CRYBA1: variants seen among roughly 807,000 people sequenced by gnomAD.
CRYBA1 encodes crystallin beta A1.
Under a neutral mutation model 36.2 loss-of-function variants are expected in CRYBA1, and 25 were observed. The observed-to-expected ratio is 0.69, with a 90% CI of 0.50 to 0.97. The LOEUF is 0.97. CRYBA1 is among the 50% of genes least tolerant of loss of function. The pLI, the probability that CRYBA1 is intolerant of heterozygous loss-of-function variation, is 0.00. For synonymous variants in CRYBA1, 111 were observed against 90.0 expected, an observed-to-expected ratio of 1.23 and a Z score of -1.32; for missense variants, 224 against 276.3, an observed-to-expected ratio of 0.81 and a Z score of 1.34.
chr17:29,248,737 G>A (rs190823325), intron 1 of CRYBA1, among the ~76,000 whole-genome samples: 7 of 152,048 alleles, frequency 4.6e-5, no homozygotes, highest in Admixed American at 2.6e-4. Context: ...CAGGCTGGGC[G>A]CGGTGGATCA....
chr17:29,247,036 A>G (rs2068905172), intron 1 of CRYBA1, 142 bp downstream of exon 1: 1 of 914,944 alleles, frequency 1.1e-6, no homozygotes, highest in Admixed American at 2.0e-5. Context: ...GGCGGAAGAC[A>G]GCCTTCTCTT....
At chr17:29,248,803 A>G (rs1314637800) in intron 1 of CRYBA1, among the ~76,000 whole-genome samples, 1 of 151,968 alleles carries the variant, frequency 6.6e-6, no homozygotes, top group African/African-American at 2.4e-5. Context: ...CCCCATCTCT[A>G]CTAAAAATAC....
rs74936930 is a variant in CRYBA1 at position 29,254,058 on chromosome 17, A to G, written c.501-144A>G. ...CTATAGCCATATTATGCTTACAAAT[A>G]GTGCCTGACACATTTAGGATGGCTA... is the stretch of plus-strand genomic sequence containing the variant. On this transcript the variant is annotated intron_variant, in intron 5 of 5. Coordinates refer to ENST00000225387, the MANE Select transcript of CRYBA1 (RefSeq NM_005208.5). 326 of 921,472 alleles carry G rather than the reference A, an allele frequency of 3.5e-4. No homozygotes were observed. In the African/African-American group the frequency reaches 4.7e-3, roughly 13 times the overall value. The allele number at this position is 921,472 out of a possible 1,614,324, so 57.1% of individuals were successfully genotyped here.
Position 29,254,450 on chromosome 17 carries a change from G to T in CRYBA1, c.*101G>T. ...CTGCTCACAGACATTGCTTTCAAAT[G>T]TTAGCTGCTGAAATCCACAATAAAC... On this transcript the variant is annotated 3_prime_UTR_variant, in exon 6 of 6. Coordinates refer to ENST00000225387, the MANE Select transcript of CRYBA1 (RefSeq NM_005208.5). 1 of 1,259,574 alleles carries T rather than the reference G, an allele frequency of 7.9e-7. No individual in the cohort carries two copies. 78.0% of individuals were successfully genotyped at this position (1,259,574 alleles called of 1,614,324 possible).
In CRYBA1 at chr17:29,254,335, C is replaced by T. The variant is rs772123132; in HGVS notation, c.634C>T (p.Arg212Ter). ...AQTSQIQSIR[R>*]IQQ is the part of the protein sequence containing the mutation. Reference sequence around the variant, plus strand: ...GACTTCGCAGATCCAATCGATTCGCCGAATCCAACAGTAGCTGATTAAAAG... The same window carrying T: ...GACTTCGCAGATCCAATCGATTCGCTGAATCCAACAGTAGCTGATTAAAAG... The change falls in exon 6 of 6, where the codon CGA becomes TGA. Residue 212 changes from arginine (R) to a stop codon, truncating the protein, a stop_gained. Transcript: ENST00000225387. LOFTEE classifies it high-confidence loss of function. 2 of 1,613,940 alleles carry T rather than the reference C, an allele frequency of 1.2e-6. No individual in the cohort carries two copies. Among genetic ancestry groups the T allele is most frequent in the African/African-American group, 1.3e-5 (1 of 74,882 alleles).
At position 29,253,793 on chromosome 17, in the gene CRYBA1, A is replaced by G; in HGVS notation, c.500+11A>G. On this transcript the variant is annotated intron_variant, in intron 5 of 5. Transcript: ENST00000225387. ...GATACAAAGTGGGGCGTAAGTACAA[A>G]AACAGGGTTGGAATATACTTCAAAG... The G allele has an allele frequency of 2.5e-6, 4 of 1,614,156 alleles. No individual in the cohort carries two copies. Among genetic ancestry groups the G allele is most frequent in the Non-Finnish European group, 3.4e-6 (4 of 1,180,014 alleles).
At chr17:29,253,331 C>CT (rs1302428592) in intron 4 of CRYBA1, among the ~76,000 whole-genome samples, 3 of 152,270 alleles carry the variant, frequency 2.0e-5, no homozygotes, top group Non-Finnish European at 4.4e-5. Flanking sequence ...TCTGTGAGAT[C>CT]TTTTTTCACA....
In CRYBA1 at chr17:29,253,639, G is replaced by T; in HGVS notation, c.358-1G>T. On this transcript the variant is annotated splice_acceptor_variant, in intron 4 of 5. Transcript: ENST00000225387. LOFTEE classifies it high-confidence loss of function. ...ATTTTAAAACAATTTCTGAATTACA[G>T]AATCATAAGGAGTCTAAGATGACCA... 7 of 1,610,900 alleles carry T rather than the reference G, an allele frequency of 4.3e-6. No individual in the cohort carries two copies. The highest frequency in any genetic ancestry group is 5.9e-6 in the Non-Finnish European group (7 of 1,177,102).
rs2068945140 is a variant in CRYBA1, at chr17:29,252,960, CTTTTAAAAACAT to C, written c.358-677_358-666del. On this transcript the variant is annotated intron_variant, in intron 4 of 5. Coordinates refer to ENST00000225387, the MANE Select transcript of CRYBA1 (RefSeq NM_005208.5). Reference sequence around the variant, plus strand: ...CTGTCTGGAAATTATTTCAATCTCACTTTTAAAAACATTTCATTTGCCCACCCTAAGGTATAA... The same window carrying C: ...CTGTCTGGAAATTATTTCAATCTCACTTCATTTGCCCACCCTAAGGTATAA... 2.6e-5 allele frequency among the ~76,000 whole-genome samples: 4 copies of C among 152,206 alleles called. 1 individual carries two copies. In the South Asian group the frequency reaches 6.2e-4, roughly 24 times the overall value.
At chr17:29,247,029 G>A (rs1168149915) in intron 1 of CRYBA1, 135 bp downstream of exon 1, 38 of 954,024 alleles carry the variant, frequency 4.0e-5, no homozygotes, top group South Asian at 2.8e-4. Flanking sequence ...GAACTCTGGC[G>A]GAAGACAGCC....
intron 2 of CRYBA1, 136 bp from the exon 3 acceptor site, chr17:29,250,045 TG>T: frequency 8.0e-6 from 6 of 753,526 alleles, no homozygotes; most frequent in South Asian, 6.8e-5. Flanking sequence ...CTGTCTACAC[TG>T]GAAGAGACCT....
In CRYBA1 at chr17:29,249,135, C is replaced by T; in HGVS notation, c.32-7C>T. 3.7e-6 allele frequency: 6 copies of T among 1,605,836 alleles called. No homozygotes were observed. Among genetic ancestry groups the T allele is most frequent in the Non-Finnish European group, 5.1e-6 (6 of 1,172,390 alleles). ...GCCACATCATTCGTGTGTGCTCTGTCTTCCAGAAACCCTTCCAACCACCAA... is the reference window on the plus strand; with the variant it reads ...GCCACATCATTCGTGTGTGCTCTGTTTTCCAGAAACCCTTCCAACCACCAA... On this transcript the variant is annotated splice_polypyrimidine_tract_variant and splice_region_variant and intron_variant, in intron 1 of 5. Coordinates refer to ENST00000225387, the MANE Select transcript of CRYBA1 (RefSeq NM_005208.5).
intron 3 of CRYBA1, 121 bp from the exon 4 acceptor site, chr17:29,251,943 C>A: frequency 2.4e-6 from 3 of 1,235,386 alleles, no homozygotes; most frequent in Non-Finnish European, 3.6e-6. Context: ...CTTTGTACAG[C>A]TCTACTGGGA....
rs2068919914 is a variant in CRYBA1 at position 29,249,161 on chromosome 17, G to C, written c.51G>C (p.Lys17Asn). The change falls in exon 2 of 6, where the codon AAG (lysine) becomes AAC (asparagine). Residue 17 changes from lysine to asparagine, a missense_variant. Coordinates refer to ENST00000225387, the MANE Select transcript of CRYBA1 (RefSeq NM_005208.5). ...TTCCAGAAACCCTTCCAACCACCAA[G>C]ATGGCTCAGACCAACCCTACGCCGG... Reference protein sequence around the residue: ...QQELETLPTTKMAQTNPTPGS... With the variant: ...QQELETLPTTNMAQTNPTPGS... 2 of 1,613,392 alleles carry C rather than the reference G, an allele frequency of 1.2e-6. No individual in the cohort carries two copies. Among genetic ancestry groups the C allele is most frequent in the African/African-American group, 2.7e-5 (2 of 75,022 alleles).
rs1212556465 is a variant in CRYBA1, at chr17:29,253,783, G to GT, written c.500+2dup. ...GCTCCATGAAGATACAAAGTGGGGC[G>GT]TAAGTACAAAAACAGGGTTGGAATA... is the stretch of plus-strand genomic sequence containing the variant. On this transcript the variant is annotated splice_donor_variant, in intron 5 of 5. Coordinates refer to ENST00000225387, the MANE Select transcript of CRYBA1 (RefSeq NM_005208.5). LOFTEE classifies it high-confidence loss of function. 5.0e-6 allele frequency: 8 copies of GT among 1,614,052 alleles called. No homozygotes were observed. Among genetic ancestry groups the GT allele is most frequent in the South Asian group, 2.2e-5 (2 of 91,082 alleles).
Position 29,250,315 on chromosome 17 carries a change from C to T in CRYBA1, c.215+15C>T, listed in dbSNP as rs373332175. 1.8e-5 allele frequency: 25 copies of T among 1,369,224 alleles called. No individual in the cohort carries two copies. The highest frequency in any genetic ancestry group is 2.6e-5 in the Non-Finnish European group (25 of 955,984). The allele number at this position is 1,369,224 out of a possible 1,614,324, so 84.8% of individuals were successfully genotyped here. A position where few individuals can be genotyped will look rare whatever the true frequency, so the allele number is the denominator to read the frequency against. ...GAAAGTGGCGCGTGAGTATGGACTT[C>T]CGCAGAACCGCAGCCCCTTATTTCA... On this transcript the variant is annotated intron_variant, in intron 3 of 5. Transcript: ENST00000225387.
intron 2 of CRYBA1, 40 bp from the exon 3 acceptor site, chr17:29,250,142 T>A (rs2068926469): frequency 8.7e-7 from 1 of 1,144,064 alleles, no homozygotes; most frequent in East Asian, 2.3e-5. Context: ...CTGTTTTTCC[T>A]GATGTTCTAG....
chr17:29,246,867 G>A lies in CRYBA1; in HGVS notation c.4G>A (p.Glu2Lys), dbSNP rs1337710565. The change falls in exon 1 of 6, where the codon GAG becomes AAG. Residue 2 changes from glutamate (E) to lysine (K), a missense_variant. Glu to Lys is a moderately conservative substitution (Grantham distance 56). Transcript: ENST00000225387. ...GCCACAGAGCAAGTGGTACCAGATG[G>A]AGACCCAGGCTGAGCAGCAGGAGCT... M[E>K]TQAEQQELET... 3 of 1,612,760 alleles carry A rather than the reference G, an allele frequency of 1.9e-6. No individual in the cohort carries two copies. Among genetic ancestry groups the A allele is most frequent in the Non-Finnish European group, 2.5e-6 (3 of 1,179,740 alleles).
intron 3 of CRYBA1, 36 bp from the exon 4 acceptor site, chr17:29,252,028 T>C: frequency 6.2e-7 from 1 of 1,614,170 alleles, no homozygotes; most frequent in Non-Finnish European, 8.5e-7. Context: ...ATATAGGCTT[T>C]GAACACCATG....
Sources: allele counts gnomAD v4.1 joint callset (sites outside exome capture counted in the v4.1 genomes callset), GRCh38; gene constraint gnomAD v4.1.1; transcripts MANE v1.5; gene names NCBI Gene and HGNC (gene_info 2026-07-23, HGNC 2026-07-21).